TSBP1: variants seen among roughly 807,000 people sequenced by gnomAD.
TSBP1 encodes testis-expressed basic protein 1.
TSBP1 carries 56 observed loss-of-function variants against 68.8 expected under a neutral mutation model. That is an observed-to-expected ratio of 0.81 (90% CI 0.66 to 1.02). The LOEUF (loss-of-function observed/expected upper bound fraction) is 1.02, where lower values mean the gene tolerates loss of function less well. TSBP1 is among the 50% of genes least tolerant of loss of function. TSBP1 has a pLI of 0.00. For synonymous variants in TSBP1, 171 were observed against 208.7 expected (o/e 0.82, Z 1.56); for missense variants, 502 against 641.2 (o/e 0.78, Z 2.34).
At position 32,302,677 on chromosome 6, in the gene TSBP1, A is replaced by G. The variant is rs1439823776; in HGVS notation, c.581-48T>C. 7.0e-7 allele frequency: 1 copy of G among 1,426,262 alleles called. No homozygotes were observed. Among genetic ancestry groups the G allele is most frequent in the Non-Finnish European group, 9.6e-7 (1 of 1,043,934 alleles). The allele number at this position is 1,426,262 out of a possible 1,614,324, so 88.4% of individuals were successfully genotyped here. ...AGGTTAATGGCAGCATTTTTGGAAC[A>G]GAAGTACAGTTCTTTCCTACTCCCA... On this transcript the variant is annotated intron_variant, in intron 19 of 22. Coordinates refer to ENST00000612031, the Ensembl canonical transcript of TSBP1. This position sits in a 1 kb window ranked among gnomAD's most constrained non-coding sequence, Gnocchi z 5.1.
At chr6:32,341,318 T>C (rs1770322175) in intron 9 of TSBP1, among the ~76,000 whole-genome samples, 1 of 152,196 alleles carries the variant, frequency 6.6e-6, no homozygotes, top group Admixed American at 6.5e-5. Flanking sequence ...GAGTTAGTTC[T>C]TTTAGAGAGT....
At chr6:32,350,124 C>T (rs1225401986) in intron 8 of TSBP1, 2 of 556,034 alleles carry the variant, frequency 3.6e-6, no homozygotes, top group East Asian at 8.5e-5. Flanking sequence ...CTTTCCTCCA[C>T]CTCTTCCTCT....
chr6:32,310,761 A>ATATATATATATATTTTTTTTTTTTTTTTT, intron 19 of TSBP1, among the ~76,000 whole-genome samples: 4 of 144,804 alleles, frequency 2.8e-5, no homozygotes, highest in Non-Finnish European at 4.5e-5. Context: ...ATATATATAT[A>ATATATATATATATTTTTTTTTTTTTTTTT]TTTTTAATCT....
chr6:32,308,931 C>T (rs1478229445), intron 19 of TSBP1, among the ~76,000 whole-genome samples: 1 of 147,754 alleles, frequency 6.8e-6, no homozygotes, highest in African/African-American at 2.5e-5. Flanking sequence ...CTCCTTCACT[C>T]TCTCCTTCTC....
chr6:32,339,740 A>G (rs1235273789), intron 9 of TSBP1, 102 bp from the exon 11 acceptor site: 2 of 599,922 alleles, frequency 3.3e-6, no homozygotes, highest in African/African-American at 3.7e-5. Context: ...CAGGTGTGGT[A>G]CAAACAGTCT....
At chr6:32,368,698 C>A in intron 3 of TSBP1, 84 bp downstream of exon 3, 1 of 1,407,238 alleles carries the variant, frequency 7.1e-7, no homozygotes, top group African/African-American at 1.4e-5. Context: ...GGAAACACAA[C>A]TGTAAACAAG....
intron 16 of TSBP1, among the ~76,000 whole-genome samples, chr6:32,328,280 C>T (rs6457544): frequency 0.35 from 52,465 of 151,670 alleles, 9,755 homozygotes; most frequent in Middle Eastern, 0.46. Context: ...CAGAGTCTCG[C>T]TCTGTCGCCC....
chr6:32,296,570 C>T (rs1419077698), intron 22 of TSBP1, among the ~76,000 whole-genome samples: 1 of 152,164 alleles, frequency 6.6e-6, no homozygotes, highest in Admixed American at 6.5e-5. Flanking sequence ...GACAGTGCTA[C>T]CAGTGGACAC....
At chr6:32,299,820 C>T (rs1765099731) in intron 22 of TSBP1, 102 bp downstream of exon 25, 1 of 924,398 alleles carries the variant, frequency 1.1e-6, no homozygotes, top group South Asian at 1.4e-5. Context: ...TCAAATTGGC[C>T]TTAGAAGCAC....
At chr6:32,301,151 C>T (rs1765247173) in intron 20 of TSBP1, among the ~76,000 whole-genome samples, 1 of 152,036 alleles carries the variant, frequency 6.6e-6, no homozygotes. Context: ...GTTTCAGCCT[C>T]CTGAGTAGCT....
chr6:32,339,141 T>C (rs1344747068), intron 10 of TSBP1, 142 bp from the exon 12 acceptor site: 3 of 721,510 alleles, frequency 4.2e-6, no homozygotes, highest in Non-Finnish European at 5.0e-6. Context: ...TTTCCTTTTT[T>C]CCTTAGGAGA....
intron 16 of TSBP1, among the ~76,000 whole-genome samples, chr6:32,330,048 G>A (rs750991050): frequency 6.6e-6 from 1 of 152,184 alleles, no homozygotes; most frequent in East Asian, 1.9e-4. Flanking sequence ...GTGTGCGCGC[G>A]CGCACGTGTG....
intron 19 of TSBP1, among the ~76,000 whole-genome samples, chr6:32,312,980 C>T (rs113407064): frequency 0.01 from 1,551 of 152,276 alleles, 24 homozygotes; most frequent in African/African-American, 0.025. Context: ...CCTATCATTT[C>T]CCTGTTCAAG....
chr6:32,293,086 T>A, exon 23 of TSBP1: 2 of 1,610,850 alleles, frequency 1.2e-6, no homozygotes, highest in Non-Finnish European at 1.7e-6. Context: ...TTCCTTTAAC[T>A]TTGTCCTTTC....
At position 32,344,873 on chromosome 6, in the gene TSBP1, G is replaced by A. The variant is rs4576281; in HGVS notation, c.349+4867C>T. On this transcript the variant is annotated intron_variant, in intron 9 of 22. Transcript: ENST00000612031. ...TAGGTTTTTTTTTTGGGGCTGGGGT[G>A]GGGGGGACAGGGTTTCACTCTGTTG... 6.3e-3 allele frequency among the ~76,000 whole-genome samples: 945 copies of A among 150,540 alleles called. 10 individuals are homozygous for A. Among genetic ancestry groups the A allele is most frequent in the Middle Eastern group, 0.017 (5 of 290 alleles).
At chr6:32,328,428 T>C (rs903106140) in intron 16 of TSBP1, among the ~76,000 whole-genome samples, 1 of 149,208 alleles carries the variant, frequency 6.7e-6, no homozygotes, top group Non-Finnish European at 1.5e-5. Flanking sequence ...TTGTATTTTT[T>C]TTTTTTAGAC....
chr6:32,349,195 CTTT>C (rs9279592), intron 9 of TSBP1, among the ~76,000 whole-genome samples: 39 of 134,388 alleles, frequency 2.9e-4, no homozygotes, highest in African/African-American at 3.8e-4. Context: ...CCATTTCTTT[CTTT>C]TTTTTTTTTT....
chr6:32,345,256 T>C (rs1450669987), intron 9 of TSBP1, among the ~76,000 whole-genome samples: 1 of 151,994 alleles, frequency 6.6e-6, no homozygotes, highest in Non-Finnish European at 1.5e-5. Flanking sequence ...TGTGCTCCCT[T>C]CTTATTATCT....
chr6:32,324,521 G>A (rs1372196620), intron 16 of TSBP1: 1 of 1,127,938 alleles, frequency 8.9e-7, no homozygotes, highest in Non-Finnish European at 1.3e-6. Context: ...ATGCAGAGAG[G>A]TTTTGATAAT....
Sources: gnomAD v4.1 joint callset for allele counts (sites outside exome capture counted in the v4.1 genomes callset) on GRCh38, gnomAD v4.1.1 for gene constraint, Gnocchi (gnomAD v3.1) non-coding constraint, MANE v1.5 for transcripts, NCBI Gene and HGNC (gene_info 2026-07-23, HGNC 2026-07-21) for gene names.